PCDHA11: variants seen among roughly 807,000 people sequenced by gnomAD.
PCDHA11 encodes the protein protocadherin alpha-11.
Under a neutral mutation model 70.3 loss-of-function variants are expected in PCDHA11, and 61 were observed. The observed-to-expected ratio is 0.87, with a 90% confidence interval of 0.71 to 1.07. The LOEUF (loss-of-function observed/expected upper bound fraction) is 1.07, where lower values mean the gene tolerates loss of function less well. PCDHA11 is among the 50% of genes least tolerant of loss of function. The pLI is 0.00. For missense variants in PCDHA11, 1,324 were observed against 1,237.5 expected, an observed-to-expected ratio of 1.07 and a Z score of -1.05; for synonymous variants, 633 against 555.1, an observed-to-expected ratio of 1.14 and a Z score of -1.97.
intron 1 of PCDHA11, among the ~76,000 whole-genome samples, chr5:140,957,371 T>G (rs1465346844): frequency 3.3e-5 from 5 of 152,206 alleles, no homozygotes; most frequent in Non-Finnish European, 7.4e-5. Context: ...AAACTTTTAT[T>G]ATAGTGTATT....
At chr5:140,940,894 T>G (rs1364224332) in intron 1 of PCDHA11, among the ~76,000 whole-genome samples, 1 of 152,240 alleles carries the variant, frequency 6.6e-6, no homozygotes, top group Non-Finnish European at 1.5e-5. Flanking sequence ...AGTAAACCAC[T>G]TTAAATCAAG....
At chr5:140,925,671 A>AATAATG (rs1554202870) in intron 1 of PCDHA11, among the ~76,000 whole-genome samples, 40 of 148,180 alleles carry the variant, frequency 2.7e-4, no homozygotes, top group African/African-American at 9.5e-4. Flanking sequence ...TAATAATAAT[A>AATAATG]ATAATAAAGC....
intron 3 of PCDHA11, among the ~76,000 whole-genome samples, chr5:141,005,648 G>A (rs1354125322): frequency 7.4e-6 from 1 of 135,988 alleles, no homozygotes; most frequent in Non-Finnish European, 1.5e-5. Flanking sequence ...CTTGCAGTGA[G>A]TCGAGATCGC....
intron 1 of PCDHA11, among the ~76,000 whole-genome samples, chr5:140,942,596 A>G (rs116159999): frequency 2.2e-4 from 31 of 142,420 alleles, no homozygotes; most frequent in Admixed American, 2.0e-3. Flanking sequence ...ACATATAATT[A>G]TAGTGTTTAT....
intron 1 of PCDHA11, chr5:140,969,554 TC>T: frequency 8.2e-7 from 1 of 1,222,072 alleles, no homozygotes; most frequent in Non-Finnish European, 1.1e-6. Context: ...TGAAGCCTTG[TC>T]CATAAAATTG....
chr5:141,000,367 C>G (rs1158701279), intron 3 of PCDHA11, among the ~76,000 whole-genome samples: 1 of 18,506 alleles, frequency 5.4e-5, no homozygotes, highest in Admixed American at 6.5e-4. Flanking sequence ...CTCTGTCTCT[C>G]TCTCTCTCTC....
intron 1 of PCDHA11, among the ~76,000 whole-genome samples, chr5:140,969,721 C>A (rs1399042401): frequency 6.6e-5 from 10 of 152,126 alleles, no homozygotes; most frequent in African/African-American, 2.2e-4. Context: ...GGAAATTTTT[C>A]TTTTGAAATC....
rs1305533270 is a variant in PCDHA11, at chr5:141,000,401, A to C, written c.2540-9226A>C. Among the ~76,000 whole-genome samples the C allele has an allele frequency of 8.1e-3, 613 of 75,996 alleles. 4 individuals are homozygous for C. The highest frequency in any genetic ancestry group is 0.017 in the East Asian group (44 of 2,548). The allele number at this position is 75,996 out of a possible 152,430, so 49.9% of individuals were successfully genotyped here. A position where few individuals can be genotyped will look rare whatever the true frequency, so the allele number is the denominator to read the frequency against. On this transcript the variant is annotated intron_variant, in intron 3 of 3. Transcript: ENST00000398640. Reference sequence around the variant, plus strand: ...TCTCTCTCTCTCTCTCTCTCTATATATATATATATATATATATATATTTTT... The same window carrying C: ...TCTCTCTCTCTCTCTCTCTCTATATCTATATATATATATATATATATTTTT...
rs540952410 is a variant in PCDHA11 at position 140,869,344 on chromosome 5, A to C, written c.241A>C (p.Asn81His). ...GGACCTTCTGGAGGTAAATCTGCAG[A>C]ATGGCATTTTGTTTGTGAATTCTCG... ...HGDLLEVNLQNGILFVNSRID... is the reference protein window; with the variant it reads ...HGDLLEVNLQHGILFVNSRID... Residue 81 changes from asparagine to histidine, a missense_variant, in exon 1 of 4, where the codon AAT becomes CAT. Coordinates refer to ENST00000398640, the MANE Select transcript of PCDHA11 (RefSeq NM_018902.5). 6.2e-7 allele frequency: 1 copy of C among 1,613,872 alleles called. No homozygotes were observed. Among genetic ancestry groups the C allele is most frequent in the Non-Finnish European group, 8.5e-7 (1 of 1,180,040 alleles).
chr5:140,978,717 T>C (rs545119234), intron 1 of PCDHA11, among the ~76,000 whole-genome samples: 1 of 152,390 alleles, frequency 6.6e-6, no homozygotes, highest in East Asian at 1.9e-4. Context: ...TTTACAAGAT[T>C]ATTAAATCTG....
At chr5:140,987,515 T>TA (rs2097257557) in intron 3 of PCDHA11, among the ~76,000 whole-genome samples, 1 of 152,160 alleles carries the variant, frequency 6.6e-6, no homozygotes, top group African/African-American at 2.4e-5. Flanking sequence ...TGCCACTCAG[T>TA]AATTGTATGT....
rs782210353 is a variant in PCDHA11 at position 140,868,968 on chromosome 5, C to G, written c.-136C>G. The G allele has an allele frequency of 1.1e-5, 16 of 1,446,356 alleles. No individual in the cohort carries two copies. Among genetic ancestry groups the G allele is most frequent in the Middle Eastern group, 2.0e-4 (1 of 4,920 alleles). The allele number at this position is 1,446,356 out of a possible 1,614,324, so 89.6% of individuals were successfully genotyped here. Reference sequence around the variant, plus strand: ...AGTGAGGCACTCCCATACAAAGGAACTCCATCATACCGGATGCCACCGTTT... The same window carrying G: ...AGTGAGGCACTCCCATACAAAGGAAGTCCATCATACCGGATGCCACCGTTT... On this transcript the variant is annotated 5_prime_UTR_variant, in exon 1 of 4. Coordinates refer to ENST00000398640, the MANE Select transcript of PCDHA11 (RefSeq NM_018902.5).
chr5:140,933,211 CTG>C (rs1491057503), intron 1 of PCDHA11, among the ~76,000 whole-genome samples: 2 of 151,532 alleles, frequency 1.3e-5, no homozygotes, highest in Non-Finnish European at 3.0e-5. Context: ...AATTACATGT[CTG>C]TTATATTGCA....
intron 3 of PCDHA11, among the ~76,000 whole-genome samples, chr5:140,990,611 G>A (rs577900189): frequency 6.6e-6 from 1 of 152,116 alleles, no homozygotes; most frequent in Non-Finnish European, 1.5e-5. Context: ...GATGAATACC[G>A]TAAAGGTCTG....
intron 1 of PCDHA11, among the ~76,000 whole-genome samples, chr5:140,936,010 A>G (rs1470244912): frequency 6.6e-6 from 1 of 150,776 alleles, no homozygotes; most frequent in Non-Finnish European, 1.5e-5. Context: ...CTCCCACCTC[A>G]GCCTCCCGAG....
At chr5:141,004,823 TTAGA>T (rs1175791432) in intron 3 of PCDHA11, among the ~76,000 whole-genome samples, 26 of 152,314 alleles carry the variant, frequency 1.7e-4, no homozygotes, top group African/African-American at 5.8e-4. Context: ...TTTGATTAAC[TTAGA>T]TAGATCAAAG....
At chr5:140,886,742 C>T (rs2061110620) in intron 1 of PCDHA11, among the ~76,000 whole-genome samples, 1 of 149,008 alleles carries the variant, frequency 6.7e-6, no homozygotes, top group Non-Finnish European at 1.5e-5. Flanking sequence ...AAGAGAATTG[C>T]TTGAACCCGG....
At chr5:140,943,670 G>A (rs1161487572) in intron 1 of PCDHA11, among the ~76,000 whole-genome samples, 1 of 152,036 alleles carries the variant, frequency 6.6e-6, no homozygotes, top group Non-Finnish European at 1.5e-5. Flanking sequence ...TGTATAAAGT[G>A]TGAAAAAAAG....
intron 1 of PCDHA11, chr5:140,881,915 C>G (rs1431128063): frequency 1.7e-5 from 4 of 240,684 alleles, no homozygotes; most frequent in African/African-American, 8.9e-5. Flanking sequence ...AAATGTTGAG[C>G]AGAATGCAGT....
Sources: gnomAD v4.1 joint callset for allele counts (sites outside exome capture counted in the v4.1 genomes callset) on GRCh38, gnomAD v4.1.1 for gene constraint, MANE v1.5 for transcripts, NCBI Gene and HGNC (gene_info 2026-07-23, HGNC 2026-07-21) for gene names.